ZNF721: variants seen among roughly 807,000 people sequenced by gnomAD.
ZNF721 encodes zinc finger protein 721.
ZNF721 carries 2 observed loss-of-function variants against 2.4 expected under a neutral mutation model. That is an observed-to-expected ratio of 0.82 (90% CI 0.34 to 2.58). The LOEUF (loss-of-function observed/expected upper bound fraction) is 2.58, where lower values mean the gene tolerates loss of function less well. Among genes scored for constraint, ZNF721 ranks in the 30% most tolerant of loss-of-function variants. The probability of loss-of-function intolerance (pLI) is 0.11; values close to 1 mark genes in which losing one functional copy is unlikely to be tolerated. For missense variants in ZNF721, 1,187 were observed against 1,085.5 expected, an observed-to-expected ratio of 1.09 and a Z score of -1.31; for synonymous variants, 398 against 381.8, an observed-to-expected ratio of 1.04 and a Z score of -0.50.
intron 2 of ZNF721, among the ~76,000 whole-genome samples, chr4:460,642 A>T (rs1199268695): frequency 1.3e-5 from 2 of 151,406 alleles, no homozygotes; most frequent in African/African-American, 4.9e-5. Context: ...AAAAAAAAAA[A>T]AATCAACAAA....
intron 1 of ZNF721, among the ~76,000 whole-genome samples, chr4:495,378 C>T (rs1716124379): frequency 7.4e-6 from 1 of 134,234 alleles, no homozygotes; most frequent in Non-Finnish European, 1.6e-5. Flanking sequence ...AAAACAAAAA[C>T]CAAAAACATG....
At chr4:491,287 A>T (rs963848185) in intron 1 of ZNF721, among the ~76,000 whole-genome samples, 5 of 151,616 alleles carry the variant, frequency 3.3e-5, no homozygotes, top group Admixed American at 3.3e-4. Flanking sequence ...GTGTGGTGGC[A>T]GGTGCCTGTA....
chr4:497,154 GCTAT>G (rs1168865907), intron 1 of ZNF721, among the ~76,000 whole-genome samples: 7 of 151,642 alleles, frequency 4.6e-5, no homozygotes, highest in Admixed American at 2.0e-4. Context: ...GCTGAAGACG[GCTAT>G]CTGTCGATGC....
At chr4:473,259 G>A (rs569821844) in intron 1 of ZNF721, among the ~76,000 whole-genome samples, 4 of 152,132 alleles carry the variant, frequency 2.6e-5, no homozygotes, top group Non-Finnish European at 5.9e-5. Context: ...ATGAGTTAGC[G>A]TCTTTTATCA....
chr4:471,851 A>T lies in ZNF721; in HGVS notation c.34+724T>A, dbSNP rs951466697. On this transcript the variant is annotated intron_variant, in intron 2 of 2. Transcript: ENST00000511833. ...TATGCATATATTACAAAATATATGC[A>T]TATCAAATCATTACATTGTACACAT... Among the ~76,000 whole-genome samples the T allele has an allele frequency of 1.6e-4, 24 of 152,172 alleles. 1 individual carries two copies. The highest frequency in any genetic ancestry group is 1.9e-4 in the Non-Finnish European group (13 of 68,038).
At chr4:471,313 A>C (rs1715425125) in intron 2 of ZNF721, among the ~76,000 whole-genome samples, 1 of 152,198 alleles carries the variant, frequency 6.6e-6, no homozygotes, top group Non-Finnish European at 1.5e-5. Flanking sequence ...TGTTCATTGT[A>C]GTATTTTTAC....
intron 1 of ZNF721, among the ~76,000 whole-genome samples, chr4:498,779 CA>C (rs1716475385): frequency 6.9e-6 from 1 of 145,078 alleles, no homozygotes; most frequent in South Asian, 2.1e-4. Context: ...GGCAGAAGTG[CA>C]GTGGCGCGAT....
intron 1 of ZNF721, among the ~76,000 whole-genome samples, chr4:476,674 T>C (rs6825452): frequency 0.12 from 18,210 of 152,200 alleles, 1,412 homozygotes; most frequent in African/African-American, 0.22. Context: ...GGCATTATTA[T>C]TGCCTCCTCA....
intron 1 of ZNF721, among the ~76,000 whole-genome samples, chr4:491,209 C>T (rs571471248): frequency 6.6e-6 from 1 of 152,122 alleles, no homozygotes; most frequent in Non-Finnish European, 1.5e-5. Flanking sequence ...GGGTAGATCA[C>T]GAGGTCAGAA....
At chr4:460,515 C>T (rs1024722230) in intron 2 of ZNF721, among the ~76,000 whole-genome samples, 5 of 150,526 alleles carry the variant, frequency 3.3e-5, no homozygotes, top group Non-Finnish European at 5.9e-5. Flanking sequence ...CTTATCATCA[C>T]AATTAAAAGA....
chr4:482,172 T>C (rs1348122745), intron 1 of ZNF721, among the ~76,000 whole-genome samples: 13 of 152,184 alleles, frequency 8.5e-5, no homozygotes, highest in Non-Finnish European at 1.9e-4. Context: ...AGGTCGATTT[T>C]CCTTTTTTGA....
chr4:486,183 G>A (rs10032761), intron 1 of ZNF721, among the ~76,000 whole-genome samples: 1,564 of 147,402 alleles, frequency 0.011, 24 homozygotes, highest in African/African-American at 0.036. Flanking sequence ...TTTTTGAGAC[G>A]GAGTCTCGCT....
intron 1 of ZNF721, among the ~76,000 whole-genome samples, chr4:474,563 A>C (rs1464300334): frequency 6.6e-6 from 1 of 152,168 alleles, no homozygotes; most frequent in African/African-American, 2.4e-5. Flanking sequence ...AGATTTGAAG[A>C]GGAAAGCAAA....
At chr4:487,874 G>A (rs1349038904) in intron 1 of ZNF721, among the ~76,000 whole-genome samples, 13 of 152,222 alleles carry the variant, frequency 8.5e-5, no homozygotes, top group Admixed American at 2.0e-4. Flanking sequence ...ATCTACACCC[G>A]AGTAGCAAAG....
At chr4:448,927 A>T (rs1374141082) in intron 2 of ZNF721, among the ~76,000 whole-genome samples, 2 of 152,232 alleles carry the variant, frequency 1.3e-5, no homozygotes, top group African/African-American at 4.8e-5. Context: ...AAAAGCAAAA[A>T]TTAAGTACAG....
Position 442,910 on chromosome 4 carries a change from A to G in ZNF721, c.1557T>C (p.His519=). 1 of 1,613,544 alleles carries G rather than the reference A, an allele frequency of 6.2e-7. No individual in the cohort carries two copies. The highest frequency in any genetic ancestry group is 8.5e-7 in the Non-Finnish European group (1 of 1,179,886). Residue 519 remains histidine, a synonymous_variant, in exon 3 of 3, where the codon CAT becomes CAC. Transcript: ENST00000511833. ...GTTTCTCTCCAGTATGAATTCTCCTATGTTTAGTAAGGGTTGTGGAACTAG... is the reference window on the plus strand; with the variant it reads ...GTTTCTCTCCAGTATGAATTCTCCTGTGTTTAGTAAGGGTTGTGGAACTAG... ...AFTSSTTLTK[H]RRIHTGEKPY...
rs139510963 is a variant in ZNF721 at position 460,446 on chromosome 4, G to A, written c.34+12129C>T. On this transcript the variant is annotated intron_variant, in intron 2 of 2. Coordinates refer to ENST00000511833, the MANE Select transcript of ZNF721 (RefSeq NM_133474.4). The stretch of plus-strand genomic sequence containing the variant: ...GTACACAGCCAAAGCAGTCTTTGGA[G>A]GGAAATCTATACCACTAAATGCCCA... Among the ~76,000 whole-genome samples, 366 of 152,210 alleles carry A rather than the reference G, an allele frequency of 2.4e-3. 1 individual carries two copies. Among genetic ancestry groups the A allele is most frequent in the Non-Finnish European group, 4.2e-3 (283 of 68,016 alleles).
At chr4:475,003 A>T (rs968629820) in intron 1 of ZNF721, among the ~76,000 whole-genome samples, 3 of 151,994 alleles carry the variant, frequency 2.0e-5, no homozygotes, top group African/African-American at 4.8e-5. Context: ...CCTGGCTAAC[A>T]CGGTGAAACC....
At chr4:446,933 G>A (rs1576953218) in intron 2 of ZNF721, among the ~76,000 whole-genome samples, 1 of 152,132 alleles carries the variant, frequency 6.6e-6, no homozygotes, top group South Asian at 2.1e-4. Flanking sequence ...TAATCCGCCT[G>A]CCTCAGCCTC....
Sources: gnomAD v4.1 joint callset for allele counts (sites outside exome capture counted in the v4.1 genomes callset) on GRCh38, gnomAD v4.1.1 for gene constraint, MANE v1.5 for transcripts, NCBI Gene and HGNC (gene_info 2026-07-23, HGNC 2026-07-21) for gene names.